Variants in IQCM observed in about 807,000 individuals in gnomAD.
IQCM encodes the protein IQ domain-containing protein M.
In IQCM, 45 loss-of-function variants were observed where a neutral mutation model predicts 57.6. The observed-to-expected ratio is 0.78, with a 90% CI of 0.62 to 1.00. The LOEUF (loss-of-function observed/expected upper bound fraction) is 1.00. Ranked by LOEUF, IQCM falls within the 50% of genes least tolerant of loss-of-function variation. The pLI, the probability that IQCM is intolerant of heterozygous loss-of-function variation, is 0.00. For synonymous variants in IQCM, 148 were observed against 158.9 expected (o/e 0.93, Z 0.51); for missense variants, 468 against 511.6 (o/e 0.91, Z 0.82).
chr4:149,685,576 T>C (rs540697885), intron 6 of IQCM, among the ~76,000 whole-genome samples: 16 of 151,586 alleles, frequency 1.1e-4, no homozygotes, highest in Admixed American at 3.3e-4. Flanking sequence ...AACTTAAACG[T>C]TGGAAGACCC....
chr4:149,593,240 C>A lies in IQCM; in HGVS notation c.682-5243G>T, dbSNP rs558393938. 7.1e-4 allele frequency among the ~76,000 whole-genome samples: 108 copies of A among 152,004 alleles called. 1 individual carries two copies. In the South Asian group the frequency reaches 0.015, roughly 21 times the overall value. On this transcript the variant is annotated intron_variant, in intron 8 of 13. Transcript: ENST00000636793. ...GCAATTGTGAATGGGAGTTCACTCA[C>A]GATTTGGCTCTCTGTTTGTCTGTTA...
At position 149,775,318 on chromosome 4, in the gene IQCM, A is replaced by G. The variant is rs565167838; in HGVS notation, c.-48-32579T>C. The stretch of plus-strand genomic sequence containing the variant: ...AATACTATTTCTCAGCCCAAGACAA[A>G]AAAAAAAGTAGTGCCTGAAGTTTTA... On this transcript the variant is annotated intron_variant, in intron 2 of 13. Coordinates refer to ENST00000636793, the MANE Select transcript of IQCM (RefSeq NM_001363507.2). Among the ~76,000 whole-genome samples, 11 of 152,204 alleles carry G rather than the reference A, an allele frequency of 7.2e-5. No individual in the cohort carries two copies. In the East Asian group the frequency reaches 2.1e-3, roughly 29 times the overall value.
chr4:149,532,509 CTT>C (rs760116885), intron 12 of IQCM, among the ~76,000 whole-genome samples: 32 of 122,990 alleles, frequency 2.6e-4, no homozygotes, highest in East Asian at 4.7e-4. Flanking sequence ...GGATAATTAT[CTT>C]TTTTTTTTTT....
intron 2 of IQCM, among the ~76,000 whole-genome samples, chr4:149,800,192 A>G (rs1773481952): frequency 6.6e-6 from 1 of 152,020 alleles, no homozygotes; most frequent in Non-Finnish European, 1.5e-5. Flanking sequence ...ATGATTTAAC[A>G]TATGGAAATC....
chr4:149,782,793 A>G (rs1771731112), intron 2 of IQCM, among the ~76,000 whole-genome samples: 1 of 152,184 alleles, frequency 6.6e-6, no homozygotes, highest in South Asian at 2.1e-4. Context: ...AATTAGTGAT[A>G]CAGAAGGAAG....
At chr4:149,416,681 A>G (rs914865772) in intron 13 of IQCM, among the ~76,000 whole-genome samples, 2 of 152,088 alleles carry the variant, frequency 1.3e-5, no homozygotes, top group African/African-American at 2.4e-5. Flanking sequence ...GAACAGAGAA[A>G]TGATATAATT....
intron 2 of IQCM, among the ~76,000 whole-genome samples, chr4:149,813,271 C>T (rs905112293): frequency 6.6e-6 from 1 of 152,058 alleles, no homozygotes; most frequent in Non-Finnish European, 1.5e-5. Context: ...CAGTTTCCCA[C>T]TCAAAGGTAC....
chr4:149,608,913 A>G (rs1345360758), intron 8 of IQCM, among the ~76,000 whole-genome samples: 2 of 151,762 alleles, frequency 1.3e-5, no homozygotes, highest in Admixed American at 6.6e-5. Flanking sequence ...CAGAGCAGAC[A>G]TAAATGAAAT....
At chr4:149,599,255 G>A (rs566604254) in intron 8 of IQCM, among the ~76,000 whole-genome samples, 21 of 151,836 alleles carry the variant, frequency 1.4e-4, no homozygotes, top group Non-Finnish European at 2.2e-4. Context: ...ATGAACCATG[G>A]GATTATACAA....
intron 2 of IQCM, among the ~76,000 whole-genome samples, chr4:149,776,129 C>A (rs201877122): frequency 6.6e-6 from 1 of 151,772 alleles, no homozygotes; most frequent in African/African-American, 2.4e-5. Context: ...AAGGCTGTGT[C>A]TCTAAAAAAT....
intron 8 of IQCM, among the ~76,000 whole-genome samples, chr4:149,612,474 G>T (rs1579698054): frequency 6.6e-6 from 1 of 152,090 alleles, no homozygotes; most frequent in Non-Finnish European, 1.5e-5. Flanking sequence ...GTGAAACAAG[G>T]TGAGTTATTA....
intron 12 of IQCM, among the ~76,000 whole-genome samples, chr4:149,451,202 G>T (rs538500848): frequency 6.6e-6 from 1 of 151,716 alleles, no homozygotes; most frequent in African/African-American, 2.4e-5. Context: ...GGAAGGGAAG[G>T]GTCAGGGGAG....
chr4:149,675,516 CT>C (rs891815146), intron 7 of IQCM, among the ~76,000 whole-genome samples: 7 of 151,946 alleles, frequency 4.6e-5, no homozygotes, highest in African/African-American at 1.7e-4. Context: ...GTTAAGGATT[CT>C]GAGTTTTTGC....
intron 12 of IQCM, among the ~76,000 whole-genome samples, chr4:149,487,840 A>T (rs1741685378): frequency 1.3e-5 from 2 of 150,998 alleles, no homozygotes; most frequent in South Asian, 4.2e-4. Flanking sequence ...GCGATTCAAG[A>T]CTCTCTCTCT....
At chr4:149,503,713 T>C (rs900697433) in intron 12 of IQCM, among the ~76,000 whole-genome samples, 3 of 151,976 alleles carry the variant, frequency 2.0e-5, no homozygotes, top group African/African-American at 7.2e-5. Context: ...TAAAATGAAA[T>C]AGACAAAAAA....
At chr4:149,801,974 A>T (rs963541242) in intron 2 of IQCM, among the ~76,000 whole-genome samples, 2 of 151,924 alleles carry the variant, frequency 1.3e-5, no homozygotes, top group African/African-American at 2.4e-5. Context: ...TATGCATTGC[A>T]TGCCTGTTTC....
At chr4:149,464,129 C>T (rs1738595387) in intron 12 of IQCM, among the ~76,000 whole-genome samples, 1 of 152,084 alleles carries the variant, frequency 6.6e-6, no homozygotes, top group Admixed American at 6.6e-5. Flanking sequence ...TTCTGCTACT[C>T]GGCTAACTAA....
At chr4:149,389,255 C>T (rs941176784) in intron 13 of IQCM, among the ~76,000 whole-genome samples, 8 of 151,940 alleles carry the variant, frequency 5.3e-5, no homozygotes, top group African/African-American at 1.7e-4. Flanking sequence ...GATTCTTCTC[C>T]TACCAATTTT....
chr4:149,542,715 A>G (rs568463376), intron 12 of IQCM, among the ~76,000 whole-genome samples: 3 of 152,128 alleles, frequency 2.0e-5, no homozygotes, highest in Non-Finnish European at 4.4e-5. Flanking sequence ...ACATTTTCAA[A>G]ATGAAGATAA....
Sources: allele counts gnomAD v4.1 joint callset (sites outside exome capture counted in the v4.1 genomes callset), GRCh38; gene constraint gnomAD v4.1.1; transcripts MANE v1.5; gene names NCBI Gene and HGNC (gene_info 2026-07-23, HGNC 2026-07-21).